The following CGNL1 variants were observed in gnomAD, a reference collection of about 807,000 sequenced individuals.
The protein encoded by CGNL1 is cingulin like 1, also known as cingulin-like protein 1.
A neutral mutation model predicts 141.2 loss-of-function variants in CGNL1; 132 were observed. The observed-to-expected ratio is 0.93, with a 90% CI of 0.81 to 1.08. The LOEUF (loss-of-function observed/expected upper bound fraction) is 1.08, where lower values mean the gene tolerates loss of function less well. CGNL1 is among the 50% of genes least tolerant of loss of function. The pLI is 0.00. For missense variants in CGNL1, 1,870 were observed against 1,588.6 expected, an observed-to-expected ratio of 1.18 and a Z score of -3.01; for synonymous variants, 690 against 622.1, an observed-to-expected ratio of 1.11 and a Z score of -1.63.
At chr15:57,542,631 AAGG>A in intron 14 of CGNL1, among the ~76,000 whole-genome samples, 2 of 151,864 alleles carry the variant, frequency 1.3e-5, no homozygotes, top group East Asian at 3.9e-4. Context: ...TGGCATAAAA[AAGG>A]AGAAATCTAG....
intron 1 of CGNL1, among the ~76,000 whole-genome samples, chr15:57,423,776 C>G (rs1486575080): frequency 6.6e-6 from 1 of 152,152 alleles, no homozygotes; most frequent in Non-Finnish European, 1.5e-5. Context: ...TCCCTGTCTT[C>G]TTAGTGTTGG....
intron 8 of CGNL1, among the ~76,000 whole-genome samples, chr15:57,465,652 A>C (rs1976644): frequency 0.44 from 53,608 of 120,750 alleles, 9,582 homozygotes; most frequent in Middle Eastern, 0.49. Context: ...CAACCTCCCC[A>C]AAAAAAAAGG....
chr15:57,519,144 A>G (rs1388104997), intron 10 of CGNL1, among the ~76,000 whole-genome samples: 1 of 152,220 alleles, frequency 6.6e-6, no homozygotes, highest in African/African-American at 2.4e-5. Context: ...AAAGGCCTGT[A>G]CTGCCGTTCT....
chr15:57,528,968 G>C, intron 13 of CGNL1, 153 bp downstream of exon 13: 1 of 715,086 alleles, frequency 1.4e-6, no homozygotes, highest in Non-Finnish European at 2.3e-6. Flanking sequence ...TTTCTTGATT[G>C]AAGGAAGGGG....
chr15:57,463,902 T>G (rs1431742558), intron 8 of CGNL1, among the ~76,000 whole-genome samples: 1 of 152,206 alleles, frequency 6.6e-6, no homozygotes, highest in South Asian at 2.1e-4. Context: ...CCTAGATACC[T>G]ATACTCCCTT....
At chr15:57,524,962 C>T (rs1459916860) in intron 12 of CGNL1, among the ~76,000 whole-genome samples, 4 of 152,152 alleles carry the variant, frequency 2.6e-5, no homozygotes, top group African/African-American at 9.7e-5. Context: ...ATGGACACAG[C>T]TTTAACCTGA....
intron 4 of CGNL1, among the ~76,000 whole-genome samples, chr15:57,445,970 A>G (rs185685229): frequency 7.2e-5 from 11 of 152,238 alleles, no homozygotes; most frequent in African/African-American, 2.7e-4. Flanking sequence ...ATGGAAATGT[A>G]ACATCTAAAA....
In CGNL1 at chr15:57,546,155, A is replaced by G. The variant is rs1174274331; in HGVS notation, c.3689A>G (p.Lys1230Arg). 1 of 1,613,372 alleles carries G rather than the reference A, an allele frequency of 6.2e-7. No individual in the cohort carries two copies. The highest frequency in any genetic ancestry group is 1.3e-5 in the African/African-American group (1 of 74,938). ...EEIDRLESSK[K>R]KLQRELEEQM... ...ATCGACAGACTGGAAAGTTCTAAAA[A>G]GAAGCTGCAGAGGGAGCTGGAGGAG... Residue 1230 changes from lysine to arginine, a missense_variant, in exon 18 of 19, where the codon AAG becomes AGG. Coordinates refer to ENST00000281282, the MANE Select transcript of CGNL1 (RefSeq NM_032866.5).
intron 14 of CGNL1, among the ~76,000 whole-genome samples, chr15:57,538,881 A>T (rs1264788219): frequency 6.6e-6 from 1 of 152,198 alleles, no homozygotes; most frequent in African/African-American, 2.4e-5. Flanking sequence ...GCGAAGACAC[A>T]ACGGGGAGGG....
intron 8 of CGNL1, among the ~76,000 whole-genome samples, chr15:57,470,999 A>G (rs1254453352): frequency 6.6e-6 from 1 of 152,232 alleles, no homozygotes; most frequent in Non-Finnish European, 1.5e-5. Flanking sequence ...GTGTACCTCG[A>G]ACTTGCTGAC....
At chr15:57,429,452 A>G (rs2152294068) in intron 1 of CGNL1, among the ~76,000 whole-genome samples, 1 of 152,354 alleles carries the variant, frequency 6.6e-6, no homozygotes, top group Non-Finnish European at 1.5e-5. Context: ...GAAAACGATA[A>G]TAACCCTTTA....
At chr15:57,523,021 G>A (rs1314406055) in intron 10 of CGNL1, among the ~76,000 whole-genome samples, 3 of 152,140 alleles carry the variant, frequency 2.0e-5, no homozygotes, top group Non-Finnish European at 4.4e-5. Flanking sequence ...TTCTCTTAGC[G>A]ATTCATTTTT....
At chr15:57,421,504 A>G (rs2062914478) in intron 1 of CGNL1, among the ~76,000 whole-genome samples, 1 of 152,114 alleles carries the variant, frequency 6.6e-6, no homozygotes, top group Non-Finnish European at 1.5e-5. Context: ...ATTTAGATGT[A>G]AGAGCTCCAG....
chr15:57,523,473 T>G lies in CGNL1; in HGVS notation c.2716-16T>G. On this transcript the variant is annotated splice_polypyrimidine_tract_variant and intron_variant, in intron 10 of 18. Coordinates refer to ENST00000281282, the MANE Select transcript of CGNL1 (RefSeq NM_032866.5). ...GTTAGTAGGTGACAGCACTGTCCTT[T>G]CCCTGCCATTTGCAGGGAAATCTGA... 6.2e-7 allele frequency: 1 copy of G among 1,613,874 alleles called. No homozygotes were observed. The highest frequency in any genetic ancestry group is 8.5e-7 in the Non-Finnish European group (1 of 1,179,962).
chr15:57,386,713 CA>C (rs1218283623), intron 1 of CGNL1, among the ~76,000 whole-genome samples: 1 of 152,166 alleles, frequency 6.6e-6, no homozygotes, highest in African/African-American at 2.4e-5. Flanking sequence ...ACGACGATAA[CA>C]CCCAGCTGAA....
At chr15:57,483,239 C>A (rs978024620) in intron 8 of CGNL1, among the ~76,000 whole-genome samples, 2 of 152,134 alleles carry the variant, frequency 1.3e-5, no homozygotes, top group African/African-American at 4.8e-5. Flanking sequence ...CTGCTTTCAT[C>A]ATTTGATTTT....
chr15:57,519,635 C>G (rs2031105062), intron 10 of CGNL1, among the ~76,000 whole-genome samples: 1 of 152,132 alleles, frequency 6.6e-6, no homozygotes, highest in African/African-American at 2.4e-5. Flanking sequence ...ATCTTCATTA[C>G]AAAATCTTGT....
intron 1 of CGNL1, among the ~76,000 whole-genome samples, chr15:57,402,237 T>C (rs1182915282): frequency 6.6e-6 from 1 of 152,212 alleles, no homozygotes; most frequent in East Asian, 1.9e-4. Flanking sequence ...ATGTGAGAGC[T>C]GGTTGCTTAA....
At chr15:57,383,717 G>T (rs186326255) in intron 1 of CGNL1, among the ~76,000 whole-genome samples, 152 of 151,304 alleles carry the variant, frequency 1.0e-3, no homozygotes, top group Middle Eastern at 3.4e-3. Flanking sequence ...CAACCTCCCA[G>T]ACTCAGGCTC....
Sources: gnomAD v4.1 joint callset for allele counts (sites outside exome capture counted in the v4.1 genomes callset) on GRCh38, gnomAD v4.1.1 for gene constraint, MANE v1.5 for transcripts, NCBI Gene and HGNC (gene_info 2026-07-23, HGNC 2026-07-21) for gene names.